DCSTAMP: variants seen among roughly 807,000 people sequenced by gnomAD.
DCSTAMP encodes dendrocyte expressed seven transmembrane protein, also known as dendritic cell-specific transmembrane protein.
Under a neutral mutation model 33.8 loss-of-function variants are expected in DCSTAMP, and 25 were observed. The observed-to-expected ratio is 0.74, with a 90% CI of 0.54 to 1.03. The LOEUF is 1.03. Ranked by LOEUF, DCSTAMP falls within the 50% of genes least tolerant of loss-of-function variation. The pLI is 0.00. For synonymous variants in DCSTAMP, 245 were observed against 216.7 expected, an observed-to-expected ratio of 1.13 and a Z score of -1.15; for missense variants, 531 against 556.8, an observed-to-expected ratio of 0.95 and a Z score of 0.47.
At position 104,349,357 on chromosome 8, in the gene DCSTAMP, C is replaced by T; in HGVS notation, c.805C>T (p.Leu269=). Residue 269 remains leucine (L), a synonymous_variant, in exon 2 of 4, where the codon CTG becomes TTG. Transcript: ENST00000297581. ...TCAACAGAGGCCCTGTGTGCTCCCG[C>T]TGAATAAGGAGGAAAGGAGGAAGTA... The part of the protein sequence containing the change: ...RHQQRPCVLP[L]NKEERRKYVI... The T allele has an allele frequency of 5.6e-6, 9 of 1,614,154 alleles. No homozygotes were observed. The highest frequency in any genetic ancestry group is 6.8e-6 in the Non-Finnish European group (8 of 1,180,026).
At chr8:104,342,249 T>A (rs563740171) in intron 1 of DCSTAMP, among the ~76,000 whole-genome samples, 2 of 152,232 alleles carry the variant, frequency 1.3e-5, no homozygotes, top group Admixed American at 6.5e-5. Context: ...AGAGGAGGGC[T>A]AAGGTGAGAA....
At chr8:104,355,276 C>CG in intron 3 of DCSTAMP, 91 bp downstream of exon 3, 2 of 1,328,754 alleles carry the variant, frequency 1.5e-6, no homozygotes, top group Non-Finnish European at 2.1e-6. Flanking sequence ...TTTAATGCTT[C>CG]AACTTCACAT....
intron 1 of DCSTAMP, among the ~76,000 whole-genome samples, chr8:104,343,678 C>G (rs2099383367): frequency 6.6e-6 from 1 of 152,216 alleles, no homozygotes; most frequent in Non-Finnish European, 1.5e-5. Context: ...GGCAGCCAAA[C>G]AGAGCAGTGG....
chr8:104,355,049 A>C lies in DCSTAMP; in HGVS notation c.1202A>C (p.Lys401Thr). 1 of 1,614,136 alleles carries C rather than the reference A, an allele frequency of 6.2e-7. No individual in the cohort carries two copies. The highest frequency in any genetic ancestry group is 8.5e-7 in the Non-Finnish European group (1 of 1,180,026). Residue 401 changes from lysine (K) to threonine (T), a missense_variant, in exon 3 of 4, where the codon AAA (lysine) becomes ACA (threonine). Lys to Thr is a moderately conservative substitution (Grantham distance 78, BLOSUM62 -1). Coordinates refer to ENST00000297581, the MANE Select transcript of DCSTAMP (RefSeq NM_030788.4). ...TTGTCCTCTATCCTTATGCAACTTA[A>C]AATCCTGGTGTCAGCATCTTTCTAC... ...GLLSSILMQL[K>T]ILVSASFYPS...
rs1399428231 is a variant in DCSTAMP at position 104,348,785 on chromosome 8, C to T, written c.233C>T (p.Ala78Val). ...GTTCTGCTGTGTTGCTCCAAGCATGCACGATGTTTTATTCTTCTTGTCTTT... is the reference window on the plus strand; with the variant it reads ...GTTCTGCTGTGTTGCTCCAAGCATGTACGATGTTTTATTCTTCTTGTCTTT... ...TCVLLCCSKH[A>V]RCFILLVFLS... Residue 78 changes from alanine to valine, a missense_variant, in exon 2 of 4, where the codon GCA becomes GTA. Coordinates refer to ENST00000297581, the MANE Select transcript of DCSTAMP (RefSeq NM_030788.4). 2 of 1,614,164 alleles carry T rather than the reference C, an allele frequency of 1.2e-6. No homozygotes were observed.
rs116637955 is a variant in DCSTAMP, at chr8:104,354,231, G to A, written c.1030-646G>A. 2.2e-3 allele frequency among the ~76,000 whole-genome samples: 330 copies of A among 152,276 alleles called. 2 individuals carry two copies. Among genetic ancestry groups the A allele is most frequent in the African/African-American group, 6.8e-3 (284 of 41,568 alleles). On this transcript the variant is annotated intron_variant, in intron 2 of 3. Transcript: ENST00000297581. ...CAATAATGTGGGCTAGAGGGCCAAC[G>A]TATCAACCCAGAAGGGAATATAGTA... is the stretch of plus-strand genomic sequence containing the variant.
rs754440562 is a variant in DCSTAMP at position 104,348,984 on chromosome 8, T to C, written c.432T>C (p.Tyr144=). 4 of 1,614,216 alleles carry C rather than the reference T, an allele frequency of 2.5e-6. No homozygotes were observed. The highest frequency in any genetic ancestry group is 3.4e-6 in the Non-Finnish European group (4 of 1,180,030). ...TACATTTTCCACTTTTGAAAAAATA[T>C]ATTGAGGCAATTCAGTGGATTTATG... The part of the protein sequence containing the change: ...FSIHFPLLKK[Y]IEAIQWIYGL... The change falls in exon 2 of 4, where the codon TAT becomes TAC. Residue 144 remains tyrosine (Y), a synonymous_variant. Coordinates refer to ENST00000297581, the MANE Select transcript of DCSTAMP (RefSeq NM_030788.4).
rs1012870630 is a variant in DCSTAMP at position 104,352,696 on chromosome 8, G to A, written c.1030-2181G>A. On this transcript the variant is annotated intron_variant, in intron 2 of 3. Transcript: ENST00000297581. The stretch of plus-strand genomic sequence containing the variant: ...CTTTGGGCATTACTGGCTCCTGGGG[G>A]CACAAAGATGTCTAGGTTGTGAGGG... Among the ~76,000 whole-genome samples, 22 of 152,198 alleles carry A rather than the reference G, an allele frequency of 1.4e-4. 1 individual carries two copies. Among genetic ancestry groups the A allele is most frequent in the Admixed American group, 9.8e-4 (15 of 15,286 alleles).
In DCSTAMP at chr8:104,340,755, G is replaced by T. The variant is rs563082013; in HGVS notation, c.-13+893G>T. On this transcript the variant is annotated intron_variant, in intron 1 of 3. Coordinates refer to ENST00000297581, the MANE Select transcript of DCSTAMP (RefSeq NM_030788.4). ...GTTGGACCACAGGTCTCCGTTTGGCGCTCTTTTCCTGTTCTGCTCTGTCCT... is the reference window on the plus strand; with the variant it reads ...GTTGGACCACAGGTCTCCGTTTGGCTCTCTTTTCCTGTTCTGCTCTGTCCT... Among the ~76,000 whole-genome samples the T allele has an allele frequency of 5.9e-4, 90 of 152,302 alleles. 1 individual carries two copies. Among genetic ancestry groups the T allele is most frequent in the African/African-American group, 2.0e-3 (85 of 41,570 alleles).
At chr8:104,355,551 T>A (rs1201796912) in intron 3 of DCSTAMP, among the ~76,000 whole-genome samples, 1 of 152,204 alleles carries the variant, frequency 6.6e-6, no homozygotes, top group East Asian at 1.9e-4. Flanking sequence ...ACTATAGCTT[T>A]GTAAATGCCA....
At chr8:104,343,748 A>G (rs1033868593) in intron 1 of DCSTAMP, among the ~76,000 whole-genome samples, 1 of 152,256 alleles carries the variant, frequency 6.6e-6, no homozygotes, top group Non-Finnish European at 1.5e-5. Context: ...AAGGCGACAC[A>G]GAGTGAAGAG....
At position 104,354,961 on chromosome 8, in the gene DCSTAMP, C is replaced by G; in HGVS notation, c.1114C>G (p.Leu372Val). 1.2e-6 allele frequency: 2 copies of G among 1,613,810 alleles called. No homozygotes were observed. Among genetic ancestry groups the G allele is most frequent in the Non-Finnish European group, 1.7e-6 (2 of 1,179,742 alleles). The change falls in exon 3 of 4, where the codon CTT (leucine) becomes GTT (valine). Residue 372 changes from leucine to valine, a missense_variant. Transcript: ENST00000297581. ...EPNCIPKPKF[L>V]LSETWVPLSV... ...CAACTGTATCCCAAAACCAAAATTC[C>G]TTCTATCTGAGACCTGGGTTCCTCT...
At chr8:104,350,659 T>C (rs1311651768) in intron 2 of DCSTAMP, among the ~76,000 whole-genome samples, 1 of 152,224 alleles carries the variant, frequency 6.6e-6, no homozygotes, top group Non-Finnish European at 1.5e-5. Context: ...ACACAGATTT[T>C]GTTTTAACTG....
rs755098824 is a variant in DCSTAMP, at chr8:104,352,757, A to C, written c.1030-2120A>C. ...GGGCTTATGTCCTGGGAGGGAGGTC[A>C]CCATGAACACACGTGAAACAGTAGG... On this transcript the variant is annotated intron_variant, in intron 2 of 3. Coordinates refer to ENST00000297581, the MANE Select transcript of DCSTAMP (RefSeq NM_030788.4). 7.8e-4 allele frequency among the ~76,000 whole-genome samples: 118 copies of C among 152,190 alleles called. 1 individual carries two copies. Among genetic ancestry groups the C allele is most frequent in the Non-Finnish European group, 1.2e-3 (80 of 68,034 alleles).
intron 2 of DCSTAMP, among the ~76,000 whole-genome samples, chr8:104,354,604 GT>G (rs1031254357): frequency 6.6e-6 from 1 of 152,096 alleles, no homozygotes; most frequent in African/African-American, 2.4e-5. Context: ...AAGGGATAGA[GT>G]AAAAAAAATG....
At chr8:104,353,315 A>G (rs79818017) in intron 2 of DCSTAMP, among the ~76,000 whole-genome samples, 1,673 of 152,350 alleles carry the variant, frequency 0.011, 21 homozygotes, top group African/African-American at 0.037. Flanking sequence ...GCATTTTGGA[A>G]GAATTAATTT....
intron 3 of DCSTAMP, 33 bp from the exon 4 acceptor site, chr8:104,356,091 A>C (rs1810619159): frequency 6.3e-7 from 1 of 1,594,706 alleles, no homozygotes; most frequent in Non-Finnish European, 8.5e-7. Flanking sequence ...CTCCAACTCC[A>C]ATGCCCATTT....
At chr8:104,340,747 C>T (rs536454595) in intron 1 of DCSTAMP, among the ~76,000 whole-genome samples, 2 of 152,154 alleles carry the variant, frequency 1.3e-5, no homozygotes. Flanking sequence ...CACAGGTCTC[C>T]GTTTGGCGCT....
At chr8:104,350,721 G>C (rs6984828) in intron 2 of DCSTAMP, among the ~76,000 whole-genome samples, 3 of 152,174 alleles carry the variant, frequency 2.0e-5, no homozygotes, top group Non-Finnish European at 4.4e-5. Flanking sequence ...GTGGTTCATA[G>C]ACCACATTTT....
Sources: gnomAD v4.1 joint callset for allele counts (sites outside exome capture counted in the v4.1 genomes callset) on GRCh38, gnomAD v4.1.1 for gene constraint, MANE v1.5 for transcripts, NCBI Gene and HGNC (gene_info 2026-07-23, HGNC 2026-07-21) for gene names.